The following SPATA6L variants were observed in gnomAD, a reference collection of about 807,000 sequenced individuals.
The protein encoded by SPATA6L is spermatogenesis associated 6 like.
SPATA6L carries 68 observed loss-of-function variants against 49.2 expected under a neutral mutation model. The observed-to-expected ratio is 1.38, with a 90% CI of 1.14 to 1.69. The LOEUF is 1.69. Ranked by LOEUF, SPATA6L falls within the 40% of genes most tolerant of loss-of-function variation. The probability of loss-of-function intolerance (pLI) is 0.00; values close to 1 mark genes in which losing one functional copy is unlikely to be tolerated. For synonymous variants in SPATA6L, 198 were observed against 165.7 expected, an observed-to-expected ratio of 1.19 and a Z score of -1.50; for missense variants, 668 against 464.3, an observed-to-expected ratio of 1.44 and a Z score of -4.03.
intron 4 of SPATA6L, chr9:4,633,764 A>G (rs1402153552): frequency 6.6e-6 from 1 of 152,256 alleles, no homozygotes; most frequent in Non-Finnish European, 1.5e-5. Flanking sequence ...AGTCCAGTCA[A>G]AAATAAAACT....
At chr9:4,622,662 T>A in intron 6 of SPATA6L, 152 bp from the exon 7 acceptor site, 1 of 579,722 alleles carries the variant, frequency 1.7e-6, no homozygotes, top group Non-Finnish European at 3.1e-6. Context: ...TCTGCAAGTT[T>A]GTTACATGTT....
intron 3 of SPATA6L, among the ~76,000 whole-genome samples, chr9:4,648,697 C>A (rs1313747518): frequency 1.9e-5 from 1 of 51,286 alleles, no homozygotes; most frequent in Non-Finnish European, 3.4e-5. Flanking sequence ...GAGACCCCGT[C>A]TCGAAAAATA....
At chr9:4,657,906 T>C (rs405920) in intron 2 of SPATA6L, among the ~76,000 whole-genome samples, 16,118 of 152,122 alleles carry the variant, frequency 0.11, 1,052 homozygotes, top group African/African-American at 0.18. Context: ...TTTGCTTACC[T>C]AGGAATTTAA....
chr9:4,643,103 G>A (rs1452418170), intron 3 of SPATA6L, among the ~76,000 whole-genome samples: 10 of 152,150 alleles, frequency 6.6e-5, no homozygotes, highest in Non-Finnish European at 1.0e-4. Flanking sequence ...TGCCTCCCGG[G>A]TTCAAGCAGT....
intron 9 of SPATA6L, among the ~76,000 whole-genome samples, chr9:4,608,679 C>T (rs1453967383): frequency 6.7e-6 from 1 of 148,634 alleles, no homozygotes. Context: ...ACTAAATGCC[C>T]ACAAGAGAAA....
intron 5 of SPATA6L, 62 bp downstream of exon 5, chr9:4,629,029 T>C (rs1178311661): frequency 8.1e-7 from 1 of 1,229,808 alleles, no homozygotes; most frequent in Non-Finnish European, 1.2e-6. Context: ...TGGGCAAAAA[T>C]TCTTTAAATT....
intron 11 of SPATA6L, among the ~76,000 whole-genome samples, chr9:4,602,673 C>T (rs1263066842): frequency 6.6e-6 from 1 of 152,172 alleles, no homozygotes; most frequent in African/African-American, 2.4e-5. Flanking sequence ...CCAATGCCCA[C>T]GAACTCTGCT....
chr9:4,659,547 G>A (rs1044245297), intron 2 of SPATA6L, among the ~76,000 whole-genome samples: 3 of 152,074 alleles, frequency 2.0e-5, no homozygotes, highest in Non-Finnish European at 2.9e-5. Flanking sequence ...ACAAACGGAA[G>A]AAGATTCCAT....
chr9:4,593,947 T>C (rs936123890), downstream of SPATA6L, among the ~76,000 whole-genome samples: 2 of 152,144 alleles, frequency 1.3e-5, no homozygotes. Flanking sequence ...TCTTCCTCTC[T>C]CCACCAGATA....
intron 3 of SPATA6L, among the ~76,000 whole-genome samples, chr9:4,648,081 C>A (rs301476): frequency 0.63 from 95,812 of 152,010 alleles, 32,158 homozygotes; most frequent in African/African-American, 0.88. Flanking sequence ...GTGATTTGCC[C>A]ACCTCAGCCT....
Position 4,618,903 on chromosome 9 carries a change from A to T in SPATA6L, c.773-5T>A. On this transcript the variant is annotated splice_region_variant and splice_polypyrimidine_tract_variant and intron_variant, in intron 7 of 11. Coordinates refer to ENST00000682582, the MANE Select transcript of SPATA6L (RefSeq NM_001353486.2). ...CAAGGCTGTCAAGAGAAGAAGCTAG[A>T]AGAAAGAGGAACAGGCATTTCAATG... 1 of 1,613,314 alleles carries T rather than the reference A, an allele frequency of 6.2e-7. No individual in the cohort carries two copies. The highest frequency in any genetic ancestry group is 8.5e-7 in the Non-Finnish European group (1 of 1,179,420).
rs1822967899 is a variant in SPATA6L at position 4,600,493 on chromosome 9, C to CAGAGAGAGAGAGGGAGAGAGAG, written c.*317_*318insCTCTCTCTCCCTCTCTCTCTCT. 3 of 133,686 alleles carry CAGAGAGAGAGAGGGAGAGAGAG rather than the reference C, an allele frequency of 2.2e-5. No individual in the cohort carries two copies. Among genetic ancestry groups the CAGAGAGAGAGAGGGAGAGAGAG allele is most frequent in the Non-Finnish European group, 5.0e-5 (3 of 60,426 alleles). 8.3% of individuals were successfully genotyped at this position (133,686 alleles called of 1,614,324 possible). A position where few individuals can be genotyped will look rare whatever the true frequency, so the allele number is the denominator to read the frequency against. ...AGAGACAGAGAGAGCCAGAGAGAGCCAGAGAGAGAGAGAGGGGAAGTGTTC... is the reference window on the plus strand; with the variant it reads ...AGAGACAGAGAGAGCCAGAGAGAGCCAGAGAGAGAGAGGGAGAGAGAGAGAGAGAGAGAGAGGGGAAGTGTTC... On this transcript the variant is annotated 3_prime_UTR_variant, in exon 12 of 12. Transcript: ENST00000682582.
intron 9 of SPATA6L, among the ~76,000 whole-genome samples, chr9:4,615,875 G>A (rs998585032): frequency 1.8e-4 from 27 of 152,182 alleles, no homozygotes; most frequent in African/African-American, 6.5e-4. Flanking sequence ...CAGGCACAGA[G>A]ACAAAAACCA....
chr9:4,622,313 G>A, intron 7 of SPATA6L, 95 bp downstream of exon 7: 1 of 783,506 alleles, frequency 1.3e-6, no homozygotes, highest in South Asian at 1.6e-5. Context: ...TCACAGTTCT[G>A]AACATCACCT....
chr9:4,597,706 G>C (rs1253736087), downstream of SPATA6L, among the ~76,000 whole-genome samples: 1 of 152,222 alleles, frequency 6.6e-6, no homozygotes, highest in Non-Finnish European at 1.5e-5. Flanking sequence ...ACTGTTGGCA[G>C]GGTTCCCAGC....
At chr9:4,629,245 T>C in intron 4 of SPATA6L, 77 bp from the exon 5 acceptor site, 2 of 940,706 alleles carry the variant, frequency 2.1e-6, no homozygotes, top group Non-Finnish European at 3.3e-6. Context: ...CTTGAAATCA[T>C]ACAAGAACCT....
intron 3 of SPATA6L, among the ~76,000 whole-genome samples, chr9:4,641,919 C>G (rs1045837842): frequency 3.9e-5 from 6 of 152,146 alleles, no homozygotes; most frequent in African/African-American, 4.8e-5. Flanking sequence ...AGGCATGCAC[C>G]AGCACACATA....
intron 9 of SPATA6L, among the ~76,000 whole-genome samples, chr9:4,609,149 A>C (rs1351863248): frequency 1.3e-5 from 2 of 151,694 alleles, no homozygotes; most frequent in Non-Finnish European, 2.9e-5. Flanking sequence ...TTGTGGCAAT[A>C]ATCAATAGCT....
chr9:4,634,092 A>C (rs1458147827), intron 4 of SPATA6L, among the ~76,000 whole-genome samples: 1 of 152,224 alleles, frequency 6.6e-6, no homozygotes, highest in Non-Finnish European at 1.5e-5. Context: ...AAAATATAAG[A>C]AAGTTTGTTT....
Sources: gnomAD v4.1 joint callset for allele counts (sites outside exome capture counted in the v4.1 genomes callset) on GRCh38, gnomAD v4.1.1 for gene constraint, MANE v1.5 for transcripts, NCBI Gene and HGNC (gene_info 2026-07-23, HGNC 2026-07-21) for gene names.